Variants in BLTP2 observed in about 807,000 individuals in gnomAD.
BLTP2 encodes the protein bridge-like lipid transfer protein family member 2, also known as U937-associated antigen.
the BLTP2 span, among the ~76,000 whole-genome samples, chr17:28,625,334 C>CAAAAAAAAAAAA: frequency 1.8e-3 from 53 of 28,820 alleles, no homozygotes; most frequent in Non-Finnish European, 2.8e-3. Context: ...GACTCCGTCT[C>CAAAAAAAAAAAA]AAAAAAAAAA....
chr17:28,621,666 A>G, the BLTP2 span, among the ~76,000 whole-genome samples: 1 of 152,204 alleles, frequency 6.6e-6, no homozygotes, highest in East Asian at 1.9e-4. Context: ...TACTTGTCTC[A>G]TTCTCTTGCC....
At chr17:28,641,848 G>T in the BLTP2 span, 1 of 1,553,816 alleles carries the variant, frequency 6.4e-7, no homozygotes, top group South Asian at 1.2e-5. Context: ...AACAAACCCT[G>T]AGAACAAGGC....
the BLTP2 span, chr17:28,642,426 A>G: frequency 1.1e-6 from 1 of 941,808 alleles, no homozygotes. Flanking sequence ...CCAAGGTGGG[A>G]GGATCATGAG....
At chr17:28,639,530 G>A in the BLTP2 span, 2 of 1,612,642 alleles carry the variant, frequency 1.2e-6, no homozygotes, top group Non-Finnish European at 1.7e-6. Flanking sequence ...TAATGTAGCG[G>A]GAGAATAGAG....
the BLTP2 span, chr17:28,639,406 A>G: frequency 1.2e-6 from 2 of 1,613,930 alleles, no homozygotes; most frequent in South Asian, 1.1e-5. Flanking sequence ...TGGTGCCGGT[A>G]GTGAATGATG....
chr17:28,644,859 C>A, the BLTP2 span: 1 of 745,164 alleles, frequency 1.3e-6, no homozygotes, highest in Non-Finnish European at 2.2e-6. Context: ...CGCGCCCCCT[C>A]CCTCCACCCT....
chr17:28,644,891 T>C, the BLTP2 span: 1 of 793,750 alleles, frequency 1.3e-6, no homozygotes, highest in Non-Finnish European at 1.9e-6. Flanking sequence ...CTCACGCGCC[T>C]CAGTAAGGCG....
At chr17:28,620,491 A>C in the BLTP2 span, 1 of 1,613,720 alleles carries the variant, frequency 6.2e-7, no homozygotes, top group Non-Finnish European at 8.5e-7. Flanking sequence ...CCAGCATTCT[A>C]CAAGGGCCCA....
chr17:28,616,785 A>T, the BLTP2 span: 2 of 1,613,798 alleles, frequency 1.2e-6, no homozygotes, highest in Non-Finnish European at 1.7e-6. This position sits in a 1 kb window ranked among gnomAD's most constrained non-coding sequence, Gnocchi z 4.8. Context: ...GAAGCAATTA[A>T]GCTCAGATAC....
the BLTP2 span, chr17:28,615,046 G>A: frequency 6.2e-7 from 1 of 1,601,738 alleles, no homozygotes; most frequent in Non-Finnish European, 8.5e-7. Flanking sequence ...CTGTACTGCA[G>A]CCACTCGAAT....
At chr17:28,640,711 A>C in the BLTP2 span, 3 of 1,612,328 alleles carry the variant, frequency 1.9e-6, no homozygotes, top group Admixed American at 1.7e-5. Flanking sequence ...TAACGTAAGA[A>C]CCATCAATTC....
the BLTP2 span, chr17:28,642,082 T>TG: frequency 6.2e-7 from 1 of 1,613,084 alleles, no homozygotes; most frequent in Non-Finnish European, 8.5e-7. Context: ...TGTCCTCCTG[T>TG]GGGGATGATA....
chr17:28,635,088 G>C, the BLTP2 span: 3 of 1,613,548 alleles, frequency 1.9e-6, no homozygotes, highest in East Asian at 4.5e-5. Flanking sequence ...TTCGAGAAAA[G>C]TCATACTGAT....
chr17:28,643,456 C>A, the BLTP2 span: 1 of 1,352,794 alleles, frequency 7.4e-7, no homozygotes, highest in Non-Finnish European at 1.0e-6. Context: ...CAATATCTTC[C>A]TCACAACACA....
the BLTP2 span, among the ~76,000 whole-genome samples, chr17:28,627,603 T>C: frequency 1.3e-5 from 2 of 152,048 alleles, no homozygotes; most frequent in African/African-American, 4.8e-5. Flanking sequence ...GAGATGGGGT[T>C]TCACCGTGTT....
At chr17:28,616,185 C>T in the BLTP2 span, 1 of 1,613,900 alleles carries the variant, frequency 6.2e-7, no homozygotes, top group Admixed American at 1.7e-5. This position sits in a 1 kb window ranked among gnomAD's most constrained non-coding sequence, Gnocchi z 4.8. Context: ...TTGTCAATGT[C>T]ATCCACAGGG....
chr17:28,642,012 G>C, the BLTP2 span: 1 of 1,614,116 alleles, frequency 6.2e-7, no homozygotes, highest in Admixed American at 1.7e-5. Context: ...GTGAGATGCC[G>C]ACTGCTAATG....
At chr17:28,643,696 G>A in the BLTP2 span, 1 of 1,591,820 alleles carries the variant, frequency 6.3e-7, no homozygotes, top group Non-Finnish European at 8.6e-7. Flanking sequence ...TGTGCTAGCT[G>A]CTAAATAAGC....
the BLTP2 span, chr17:28,631,878 C>T: frequency 2.7e-5 from 44 of 1,614,082 alleles, no homozygotes; most frequent in Non-Finnish European, 3.6e-5. Flanking sequence ...TGCACTCAAT[C>T]TGGATGCCCC....
Sources: gnomAD v4.1 joint callset for allele counts (sites outside exome capture counted in the v4.1 genomes callset) on GRCh38, gnomAD v4.1.1 for gene constraint, Gnocchi (gnomAD v3.1) non-coding constraint, MANE v1.5 for transcripts, NCBI Gene and HGNC (gene_info 2026-07-23, HGNC 2026-07-21) for gene names.